Variants in MCTP2 observed in about 807,000 individuals in gnomAD.
MCTP2 encodes the protein multiple C2 and transmembrane domain containing 2.
Under a neutral mutation model 111.6 loss-of-function variants are expected in MCTP2, and 132 were observed. That is an observed-to-expected ratio of 1.18 (90% CI 1.03 to 1.37). MCTP2 has a LOEUF of 1.37. Among genes scored for constraint, MCTP2 ranks in the 40% most tolerant of loss-of-function variants. MCTP2 has a pLI of 0.00. For missense variants in MCTP2, 1,183 were observed against 1,067.9 expected, an observed-to-expected ratio of 1.11 and a Z score of -1.50; for synonymous variants, 395 against 387.7, an observed-to-expected ratio of 1.02 and a Z score of -0.22.
At chr15:94,362,365 T>C (rs1286646436) in intron 10 of MCTP2, among the ~76,000 whole-genome samples, 2 of 152,296 alleles carry the variant, frequency 1.3e-5, no homozygotes, top group Non-Finnish European at 2.9e-5. Flanking sequence ...GATTAACTCA[T>C]TATAGAATTT....
In MCTP2 at chr15:94,320,658, G is replaced by A. The variant is rs149595899; in HGVS notation, c.637+5021G>A. Among the ~76,000 whole-genome samples, 258 of 152,318 alleles carry A rather than the reference G, an allele frequency of 1.7e-3. 1 individual carries two copies. The highest frequency in any genetic ancestry group is 5.8e-3 in the African/African-American group (242 of 41,562). ...AACAAGCATGTCTTGGGTTTCCTCA[G>A]TGAAATGGGCACTACACTGGTGTTC... On this transcript the variant is annotated intron_variant, in intron 4 of 22. Coordinates refer to ENST00000357742, the MANE Select transcript of MCTP2 (RefSeq NM_001385001.1).
In MCTP2 at chr15:94,296,138, C is replaced by T. The variant is rs2075266316; in HGVS notation, c.-65-2063C>T. Among the ~76,000 whole-genome samples, 3 of 152,102 alleles carry T rather than the reference C, an allele frequency of 2.0e-5. No homozygotes were observed. In the South Asian group the frequency reaches 6.2e-4, roughly 32 times the overall value. Reference sequence around the variant, plus strand: ...CATTTCTTACAGATTCCTCCCAGGTCTCCATAGAGTGCTACCCTACTCTCC... The same window carrying T: ...CATTTCTTACAGATTCCTCCCAGGTTTCCATAGAGTGCTACCCTACTCTCC... On this transcript the variant is annotated intron_variant, in intron 1 of 22. Coordinates refer to ENST00000357742, the MANE Select transcript of MCTP2 (RefSeq NM_001385001.1).
chr15:94,394,733 C>G (rs1394723533), intron 14 of MCTP2, among the ~76,000 whole-genome samples: 1 of 151,952 alleles, frequency 6.6e-6, no homozygotes, highest in Admixed American at 6.6e-5. Flanking sequence ...CCACTGCACT[C>G]CAGCCTGGGC....
At position 94,357,577 on chromosome 15, in the gene MCTP2, A is replaced by G. The variant is rs576625811; in HGVS notation, c.1171-905A>G. 2.9e-3 allele frequency among the ~76,000 whole-genome samples: 438 copies of G among 151,398 alleles called. 2 individuals are homozygous for G. The highest frequency in any genetic ancestry group is 4.2e-3 in the Non-Finnish European group (286 of 67,866). ...TTTTTTTGTTTTTGTTTTTTTCCCA[A>G]CCTGGTTTCTAAATTCTGTGATCCA... On this transcript the variant is annotated intron_variant, in intron 9 of 22. Transcript: ENST00000357742.
chr15:94,270,469 A>G (rs760824910), intron 1 of MCTP2, among the ~76,000 whole-genome samples: 5 of 152,074 alleles, frequency 3.3e-5, no homozygotes, highest in Non-Finnish European at 7.4e-5. Flanking sequence ...GCCCACTCAC[A>G]GTAAAAGCTG....
At chr15:94,409,955 A>C (rs535294342) in intron 17 of MCTP2, among the ~76,000 whole-genome samples, 2 of 144,018 alleles carry the variant, frequency 1.4e-5, no homozygotes, top group African/African-American at 2.6e-5. Context: ...CTCTCTCCAG[A>C]AGCCCTCCTC....
intron 19 of MCTP2, among the ~76,000 whole-genome samples, chr15:94,449,587 T>A (rs1307622941): frequency 6.6e-6 from 1 of 152,234 alleles, no homozygotes; most frequent in African/African-American, 2.4e-5. Flanking sequence ...AAGGTGCTCA[T>A]AGTAAACAAC....
At chr15:94,401,522 T>C (rs1055794009) in intron 16 of MCTP2, among the ~76,000 whole-genome samples, 1 of 152,132 alleles carries the variant, frequency 6.6e-6, no homozygotes, top group African/African-American at 2.4e-5. Context: ...GTATCTCTCT[T>C]TATCTCTCTC....
intron 20 of MCTP2, among the ~76,000 whole-genome samples, chr15:94,459,217 A>C (rs1301538503): frequency 6.6e-6 from 1 of 152,122 alleles, no homozygotes; most frequent in Admixed American, 6.5e-5. Context: ...GTCTACGGGG[A>C]TCATTCTAGT....
At chr15:94,420,948 C>T (rs912862062) in intron 17 of MCTP2, among the ~76,000 whole-genome samples, 1 of 152,134 alleles carries the variant, frequency 6.6e-6, no homozygotes, top group Non-Finnish European at 1.5e-5. Context: ...ATGTGATAGA[C>T]TTCATTGCTG....
intron 17 of MCTP2, among the ~76,000 whole-genome samples, chr15:94,430,390 C>T (rs1183359521): frequency 2.1e-4 from 19 of 89,650 alleles, no homozygotes; most frequent in African/African-American, 7.0e-4. Flanking sequence ...AACCCAAAAA[C>T]AATCACACAC....
intron 1 of MCTP2, among the ~76,000 whole-genome samples, chr15:94,243,817 G>A (rs1440229016): frequency 6.9e-6 from 1 of 145,246 alleles, no homozygotes; most frequent in East Asian, 2.1e-4. Context: ...ATACATATAT[G>A]TATACACATA....
At chr15:94,341,370 GC>G (rs1354172003) in intron 7 of MCTP2, 6 of 152,964 alleles carry the variant, frequency 3.9e-5, no homozygotes, top group Admixed American at 3.9e-4. Flanking sequence ...CTTCTTTTGA[GC>G]AAAAATGTGG....
chr15:94,463,492 A>G (rs1223892971), intron 20 of MCTP2, among the ~76,000 whole-genome samples: 1 of 152,144 alleles, frequency 6.6e-6, no homozygotes, highest in Non-Finnish European at 1.5e-5. Context: ...TTTTATATGA[A>G]GATTATTATT....
At chr15:94,464,282 C>T (rs1372018770) in intron 20 of MCTP2, among the ~76,000 whole-genome samples, 5 of 89,570 alleles carry the variant, frequency 5.6e-5, no homozygotes, top group African/African-American at 1.6e-4. Context: ...TATATATAAA[C>T]GTCAGCCATT....
At chr15:94,252,684 T>C (rs961070152) in intron 1 of MCTP2, among the ~76,000 whole-genome samples, 2 of 152,148 alleles carry the variant, frequency 1.3e-5, no homozygotes, top group African/African-American at 4.8e-5. Context: ...GCTTAAACTT[T>C]TCTAATTCTA....
At chr15:94,313,014 G>A (rs773399491) in intron 2 of MCTP2, among the ~76,000 whole-genome samples, 5 of 152,088 alleles carry the variant, frequency 3.3e-5, no homozygotes, top group South Asian at 4.1e-4. Flanking sequence ...GCCCCTACCC[G>A]CAGTGGCTCA....
intron 1 of MCTP2, among the ~76,000 whole-genome samples, chr15:94,288,860 C>A (rs1386997261): frequency 6.6e-6 from 1 of 152,194 alleles, no homozygotes; most frequent in East Asian, 1.9e-4. Flanking sequence ...CTGCCTGCCC[C>A]ACCCATTCTC....
rs550574955 is a variant in MCTP2 at position 94,418,255 on chromosome 15, T to C, written c.2085+16236T>C. 3.3e-5 allele frequency among the ~76,000 whole-genome samples: 5 copies of C among 152,268 alleles called. No individual in the cohort carries two copies. In the South Asian group the frequency reaches 8.3e-4, roughly 25 times the overall value. On this transcript the variant is annotated intron_variant, in intron 17 of 22. Transcript: ENST00000357742. Reference sequence around the variant, plus strand: ...TTAGAATCCCATTGGACTTCTCCCATGGAGGGCCCCACAGTGCCAAAAATT... The same window carrying C: ...TTAGAATCCCATTGGACTTCTCCCACGGAGGGCCCCACAGTGCCAAAAATT...
Sources: allele counts gnomAD v4.1 joint callset (sites outside exome capture counted in the v4.1 genomes callset), GRCh38; gene constraint gnomAD v4.1.1; transcripts MANE v1.5; gene names NCBI Gene and HGNC (gene_info 2026-07-23, HGNC 2026-07-21).